The following STK3 variants were observed in gnomAD, a reference collection of about 807,000 sequenced individuals.
The protein encoded by STK3 is serine/threonine kinase 3.
Under a neutral mutation model 58.0 loss-of-function variants are expected in STK3, and 41 were observed. The ratio of observed to expected loss-of-function variants is 0.71; its 90% CI spans 0.55 to 0.92. The LOEUF (loss-of-function observed/expected upper bound fraction) is 0.92. Ranked by LOEUF, STK3 falls within the 40% of genes least tolerant of loss-of-function variation. The pLI, the probability that STK3 is intolerant of heterozygous loss-of-function variation, is 0.00. For missense variants in STK3, 479 were observed against 602.7 expected (o/e 0.79, Z 2.15); for synonymous variants, 170 against 191.0 (o/e 0.89, Z 0.91).
intron 3 of STK3, among the ~76,000 whole-genome samples, chr8:98,841,605 T>G (rs1178038978): frequency 6.7e-6 from 1 of 149,214 alleles, no homozygotes; most frequent in East Asian, 2.0e-4. Context: ...GTGAGAGGAT[T>G]GTTTGAGCCC....
At position 98,554,530 on chromosome 8, in the gene STK3, T is replaced by C. The variant is rs533147475; in HGVS notation, c.949-6369A>G. On this transcript the variant is annotated intron_variant, in intron 8 of 10. Transcript: ENST00000419617. ...TGGCTTAGATAAAATTGTAAAAACA[T>C]TGAATTAAGTTTGGAAGGGATTGAT... is the stretch of plus-strand genomic sequence containing the variant. Among the ~76,000 whole-genome samples the C allele has an allele frequency of 1.1e-4, 17 of 152,276 alleles. No homozygotes were observed. In the East Asian group the frequency reaches 1.4e-3, roughly 12 times the overall value.
At chr8:98,911,379 GTATTGTATTTATT>G (rs1839126221) in intron 1 of STK3, among the ~76,000 whole-genome samples, 1 of 151,530 alleles carries the variant, frequency 6.6e-6, no homozygotes, top group African/African-American at 2.4e-5. Context: ...TATAAATATT[GTATTGTATTTATT>G]TATTTATTTA....
At chr8:98,644,128 G>C (rs998480914) in intron 6 of STK3, among the ~76,000 whole-genome samples, 2 of 152,096 alleles carry the variant, frequency 1.3e-5, no homozygotes, top group African/African-American at 4.8e-5. Flanking sequence ...TTCAATTAAA[G>C]ACTTCTTTTA....
downstream of STK3, among the ~76,000 whole-genome samples, chr8:98,368,723 C>T (rs1401135968): frequency 6.6e-6 from 1 of 152,192 alleles, no homozygotes; most frequent in Admixed American, 6.5e-5. Flanking sequence ...GATTGTTTGT[C>T]ACAGATGAAC....
the STK3 span, among the ~76,000 whole-genome samples, chr8:98,348,112 T>C: frequency 2.6e-5 from 4 of 152,154 alleles, no homozygotes; most frequent in East Asian, 3.8e-4. Context: ...CTCATGAATA[T>C]AGTTAACTAA....
intron 1 of STK3, among the ~76,000 whole-genome samples, chr8:98,934,137 A>C (rs1587868504): frequency 6.6e-6 from 1 of 152,336 alleles, no homozygotes; most frequent in East Asian, 1.9e-4. Flanking sequence ...GCAGTTGCCG[A>C]CCAAGTCTGC....
chr8:98,709,979 T>C (rs1826269811), intron 4 of STK3, among the ~76,000 whole-genome samples: 1 of 152,116 alleles, frequency 6.6e-6, no homozygotes, highest in South Asian at 2.1e-4. Context: ...ACCAGCCTAA[T>C]ACTTCTGTTA....
chr8:98,507,162 T>G (rs1214868339), intron 10 of STK3, among the ~76,000 whole-genome samples: 2 of 152,218 alleles, frequency 1.3e-5, no homozygotes. Flanking sequence ...CTCATGGTTT[T>G]AAATACCATC....
At chr8:98,543,846 A>T (rs1810482586) in intron 9 of STK3, among the ~76,000 whole-genome samples, 1 of 152,162 alleles carries the variant, frequency 6.6e-6, no homozygotes, top group Non-Finnish European at 1.5e-5. Context: ...TGCAGATGGA[A>T]GATTATCTCC....
intron 1 of STK3, among the ~76,000 whole-genome samples, chr8:98,382,560 T>C (rs146842937): frequency 4.4e-4 from 67 of 151,442 alleles, no homozygotes; most frequent in Admixed American, 6.7e-4. Context: ...TGTTCTAAGA[T>C]TGGAGGCGGG....
chr8:98,452,955 T>C (rs1819263652), downstream of STK3, among the ~76,000 whole-genome samples: 1 of 124,604 alleles, frequency 8.0e-6, no homozygotes, highest in African/African-American at 3.1e-5. Flanking sequence ...GAGACAGGGT[T>C]TCACCATGTT....
chr8:98,858,400 C>G (rs897448920), intron 3 of STK3, among the ~76,000 whole-genome samples: 1 of 142,628 alleles, frequency 7.0e-6, no homozygotes, highest in Non-Finnish European at 1.5e-5. Context: ...AACTCCTGAC[C>G]TCGTGATCCA....
intron 3 of STK3, among the ~76,000 whole-genome samples, chr8:98,426,438 A>C (rs1394482265): frequency 6.6e-6 from 1 of 152,172 alleles, no homozygotes; most frequent in Non-Finnish European, 1.5e-5. Flanking sequence ...ACCGGCCTGG[A>C]CACAAACTGT....
chr8:98,645,099 T>A (rs1032340045), intron 6 of STK3, among the ~76,000 whole-genome samples: 1 of 152,160 alleles, frequency 6.6e-6, no homozygotes, highest in Non-Finnish European at 1.5e-5. Flanking sequence ...TACCAAAGAT[T>A]TGGGAGTTCA....
chr8:98,740,114 C>A (rs1392791049), intron 4 of STK3, among the ~76,000 whole-genome samples: 1 of 152,242 alleles, frequency 6.6e-6, no homozygotes, highest in Non-Finnish European at 1.5e-5. Flanking sequence ...AGATCTTCGT[C>A]TCACTGGTGT....
chr8:98,350,470 G>A, the STK3 span, among the ~76,000 whole-genome samples: 2 of 152,144 alleles, frequency 1.3e-5, no homozygotes, highest in Non-Finnish European at 2.9e-5. Flanking sequence ...CACTTCTAAA[G>A]TTGTTTCCAC....
At chr8:98,712,548 T>G (rs1428625423) in intron 4 of STK3, among the ~76,000 whole-genome samples, 1 of 151,374 alleles carries the variant, frequency 6.6e-6, no homozygotes, top group East Asian at 1.9e-4. Flanking sequence ...GGCCATTACA[T>G]AATGGTAAAG....
At chr8:98,908,774 C>G (rs569732530) in intron 1 of STK3, among the ~76,000 whole-genome samples, 6 of 138,308 alleles carry the variant, frequency 4.3e-5, no homozygotes, top group African/African-American at 1.6e-4. Context: ...ACCCGGGAGG[C>G]GGAGGTTGCA....
chr8:98,671,964 C>T (rs573439277), intron 6 of STK3, among the ~76,000 whole-genome samples: 1 of 152,156 alleles, frequency 6.6e-6, no homozygotes, highest in Non-Finnish European at 1.5e-5. Flanking sequence ...CTTTGCTTGC[C>T]ACTCATTCTC....
Sources: allele counts gnomAD v4.1 joint callset (sites outside exome capture counted in the v4.1 genomes callset), GRCh38; gene constraint gnomAD v4.1.1; transcripts MANE v1.5; gene names NCBI Gene and HGNC (gene_info 2026-07-23, HGNC 2026-07-21).